PTPRQ: variants seen among roughly 807,000 people sequenced by gnomAD.
The protein encoded by PTPRQ is phosphatidylinositol phosphatase PTPRQ.
A neutral mutation model predicts 246.0 loss-of-function variants in PTPRQ; 199 were observed. The observed-to-expected ratio is 0.81, with a 90% CI of 0.72 to 0.91. PTPRQ has a LOEUF of 0.91. Ranked by LOEUF, PTPRQ falls within the 40% of genes least tolerant of loss-of-function variation. The probability of loss-of-function intolerance (pLI) is 0.00; values close to 1 mark genes in which losing one functional copy is unlikely to be tolerated. For missense variants in PTPRQ, 2,624 were observed against 2,528.4 expected (o/e 1.04, Z -0.81); for synonymous variants, 869 against 853.2 (o/e 1.02, Z -0.32).
At chr12:80,579,389 C>T (rs1897367293) in intron 25 of PTPRQ, among the ~76,000 whole-genome samples, 4 of 152,256 alleles carry the variant, frequency 2.6e-5, no homozygotes, top group South Asian at 2.1e-4. Context: ...CCTTGACAAA[C>T]ATTTTGTTGC....
chr12:80,656,432 A>C (rs1158752655), intron 38 of PTPRQ, among the ~76,000 whole-genome samples: 1 of 152,158 alleles, frequency 6.6e-6, no homozygotes. Context: ...TATGGTAGGC[A>C]GATCATCTAG....
intron 29 of PTPRQ, among the ~76,000 whole-genome samples, chr12:80,614,798 A>G (rs1898688868): frequency 6.6e-6 from 1 of 150,934 alleles, no homozygotes. Flanking sequence ...TGGTAATAGG[A>G]ATAATAACTT....
chr12:80,609,873 C>T (rs547866612), intron 27 of PTPRQ, among the ~76,000 whole-genome samples: 1 of 150,586 alleles, frequency 6.6e-6, no homozygotes, highest in Non-Finnish European at 1.5e-5. Flanking sequence ...TCAGTCTTAT[C>T]TTCTGAATTA....
intron 17 of PTPRQ, among the ~76,000 whole-genome samples, chr12:80,528,248 G>A (rs895046054): frequency 3.3e-5 from 5 of 152,030 alleles, no homozygotes; most frequent in African/African-American, 7.3e-5. Flanking sequence ...GGAGAGAAAC[G>A]GGTAGTTAAT....
rs182015473 is a variant in PTPRQ at position 80,650,995 on chromosome 12, T to C, written c.6024+1326T>C. On this transcript the variant is annotated intron_variant, in intron 37 of 44. Transcript: ENST00000644991. ...TTGGTGCATATATTTGATAAACCTTTTAACTCAGGACATATTCACTCATAT... is the reference window on the plus strand; with the variant it reads ...TTGGTGCATATATTTGATAAACCTTCTAACTCAGGACATATTCACTCATAT... 4.0e-4 allele frequency among the ~76,000 whole-genome samples: 61 copies of C among 152,168 alleles called. 1 individual carries two copies. The highest frequency in any genetic ancestry group is 1.1e-3 in the Admixed American group (17 of 15,270).
At chr12:80,649,691 C>T in intron 37 of PTPRQ, 22 bp downstream of exon 37, 1 of 1,538,350 alleles carries the variant, frequency 6.5e-7, no homozygotes, top group Non-Finnish European at 8.8e-7. Flanking sequence ...GCAGTTGTCA[C>T]AACATTGCAA....
intron 3 of PTPRQ, among the ~76,000 whole-genome samples, chr12:80,455,257 G>T (rs995748687): frequency 1.3e-4 from 20 of 152,032 alleles, no homozygotes; most frequent in African/African-American, 4.8e-4. Context: ...ATAGAGTATC[G>T]TTTATACTTT....
chr12:80,664,223 A>ATTCT (rs1900717794), intron 39 of PTPRQ, among the ~76,000 whole-genome samples: 1 of 151,478 alleles, frequency 6.6e-6, no homozygotes, highest in Non-Finnish European at 1.5e-5. Flanking sequence ...CTTCTAGGAG[A>ATTCT]TTCTTTCTCC....
At chr12:80,592,214 A>G (rs1006198159) in intron 26 of PTPRQ, among the ~76,000 whole-genome samples, 1 of 152,226 alleles carries the variant, frequency 6.6e-6, no homozygotes, top group Non-Finnish European at 1.5e-5. Flanking sequence ...TAACAAACAT[A>G]TGATTGCATT....
At chr12:80,486,755 C>T (rs979944575) in intron 9 of PTPRQ, among the ~76,000 whole-genome samples, 1 of 152,128 alleles carries the variant, frequency 6.6e-6, no homozygotes, top group African/African-American at 2.4e-5. Context: ...CTCAAGAACT[C>T]TTTAAATGCT....
At chr12:80,620,766 C>T (rs894922933) in intron 32 of PTPRQ, among the ~76,000 whole-genome samples, 4 of 151,738 alleles carry the variant, frequency 2.6e-5, no homozygotes, top group African/African-American at 7.3e-5. Flanking sequence ...AAACACTATC[C>T]TATCCTTTGA....
chr12:80,465,622 T>C (rs1458736268), intron 6 of PTPRQ: 1 of 152,062 alleles, frequency 6.6e-6, no homozygotes, highest in African/African-American at 2.4e-5. Context: ...TACTGGCAAA[T>C]GGAATCCAGC....
At chr12:80,541,187 T>C (rs1896140191) in intron 20 of PTPRQ, among the ~76,000 whole-genome samples, 2 of 151,948 alleles carry the variant, frequency 1.3e-5, no homozygotes, top group South Asian at 4.1e-4. Context: ...TTAGAAGAAA[T>C]AAGCTAAAAA....
chr12:80,524,796 G>T (rs1318684737), intron 17 of PTPRQ, among the ~76,000 whole-genome samples: 1 of 152,060 alleles, frequency 6.6e-6, no homozygotes, highest in African/African-American at 2.4e-5. Flanking sequence ...TAAGGACACA[G>T]GTAAGGTTAC....
chr12:80,614,719 G>T (rs779990922), intron 29 of PTPRQ, among the ~76,000 whole-genome samples: 1 of 150,764 alleles, frequency 6.6e-6, no homozygotes, highest in Non-Finnish European at 1.5e-5. Flanking sequence ...AGTAACCTGG[G>T]TTCAAATACT....
chr12:80,568,130 A>G (rs1897033498), intron 25 of PTPRQ, among the ~76,000 whole-genome samples: 1 of 152,196 alleles, frequency 6.6e-6, no homozygotes, highest in Non-Finnish European at 1.5e-5. Context: ...GTAGAAAATT[A>G]TGATTGTTCT....
intron 18 of PTPRQ, 95 bp from the exon 19 acceptor site, chr12:80,534,797 C>A: frequency 7.2e-7 from 1 of 1,386,018 alleles, no homozygotes; most frequent in Non-Finnish European, 9.5e-7. Flanking sequence ...CATTTTTTAT[C>A]ACTTTAATTT....
At chr12:80,480,615 A>G (rs953119952) in intron 8 of PTPRQ, among the ~76,000 whole-genome samples, 9 of 151,940 alleles carry the variant, frequency 5.9e-5, no homozygotes, top group African/African-American at 2.2e-4. Flanking sequence ...AACAAAATAC[A>G]TAGACCACTA....
chr12:80,600,902 T>C (rs1400379496), intron 26 of PTPRQ, among the ~76,000 whole-genome samples: 4 of 151,750 alleles, frequency 2.6e-5, no homozygotes, highest in Admixed American at 6.6e-5. Flanking sequence ...GATTCTCTCA[T>C]TCCAACTCAA....
Sources: allele counts gnomAD v4.1 joint callset (sites outside exome capture counted in the v4.1 genomes callset), GRCh38; gene constraint gnomAD v4.1.1; transcripts MANE v1.5; gene names NCBI Gene and HGNC (gene_info 2026-07-23, HGNC 2026-07-21).